CDC42BPA: variants seen among roughly 807,000 people sequenced by gnomAD.
CDC42BPA encodes the protein serine/threonine-protein kinase MRCK alpha.
Under a neutral mutation model 223.5 loss-of-function variants are expected in CDC42BPA, and 80 were observed. The observed-to-expected ratio is 0.36, with a 90% CI of 0.30 to 0.43. The LOEUF (loss-of-function observed/expected upper bound fraction) is 0.43, where lower values mean the gene tolerates loss of function less well. Among genes scored for constraint, CDC42BPA ranks in the 20% least tolerant of loss-of-function variants. The pLI is 1.00. For synonymous variants in CDC42BPA, 694 were observed against 718.6 expected, an observed-to-expected ratio of 0.97 and a Z score of 0.55; for missense variants, 1,743 against 2,099.9, an observed-to-expected ratio of 0.83 and a Z score of 3.32.
At chr1:227,072,824 A>C (rs1392343896) in intron 19 of CDC42BPA, among the ~76,000 whole-genome samples, 1 of 152,038 alleles carries the variant, frequency 6.6e-6, no homozygotes, top group Non-Finnish European at 1.5e-5. Flanking sequence ...AGGCATAAGG[A>C]GAAAAGATAT....
At chr1:227,242,947 A>T (rs993354572) in intron 2 of CDC42BPA, among the ~76,000 whole-genome samples, 2 of 152,210 alleles carry the variant, frequency 1.3e-5, no homozygotes, top group Non-Finnish European at 2.9e-5. Flanking sequence ...GGTAGACTAG[A>T]TTTTTAAATG....
At chr1:227,038,233 C>A (rs1330429328) in intron 24 of CDC42BPA, among the ~76,000 whole-genome samples, 1 of 142,254 alleles carries the variant, frequency 7.0e-6, no homozygotes, top group African/African-American at 2.7e-5. Context: ...CTCTTGCCTG[C>A]CGACATGTAA....
At chr1:227,243,373 T>C (rs781285153) in intron 2 of CDC42BPA, among the ~76,000 whole-genome samples, 47 of 150,658 alleles carry the variant, frequency 3.1e-4, no homozygotes, top group Non-Finnish European at 5.6e-4. Context: ...AAAAAATTAA[T>C]AAGTGGCACA....
At chr1:227,296,918 G>A (rs1690747126) in intron 1 of CDC42BPA, among the ~76,000 whole-genome samples, 1 of 151,998 alleles carries the variant, frequency 6.6e-6, no homozygotes, top group African/African-American at 2.4e-5. Flanking sequence ...GAGAAAATAT[G>A]TGTAAATAAT....
chr1:227,100,751 T>TGTGTGTGC (rs1684886797), intron 15 of CDC42BPA, among the ~76,000 whole-genome samples: 1 of 134,858 alleles, frequency 7.4e-6, no homozygotes, highest in Non-Finnish European at 1.6e-5. Context: ...CCAGCTAGTG[T>TGTGTGTGC]GTGTGTGTGT....
intron 2 of CDC42BPA, among the ~76,000 whole-genome samples, chr1:227,227,606 T>C (rs960909367): frequency 6.6e-6 from 1 of 152,196 alleles, no homozygotes; most frequent in Non-Finnish European, 1.5e-5. Context: ...ATTAAGTGCA[T>C]CTAAGAATAC....
chr1:227,089,534 T>G (rs1253295756), intron 16 of CDC42BPA, among the ~76,000 whole-genome samples: 4 of 151,942 alleles, frequency 2.6e-5, no homozygotes, highest in Non-Finnish European at 4.4e-5. Flanking sequence ...CTGTAACCAC[T>G]GGACATTAAA....
rs1292387936 is a variant in CDC42BPA at position 227,168,497 on chromosome 1, G to GTTTTTT, written c.600-7867_600-7862dup. Among the ~76,000 whole-genome samples the GTTTTTT allele has an allele frequency of 3.0e-4, 24 of 80,212 alleles. 4 individuals are homozygous for GTTTTTT. Among genetic ancestry groups the GTTTTTT allele is most frequent in the East Asian group, 1.3e-3 (4 of 2,988 alleles). The allele number at this position is 80,212 out of a possible 152,430, so 52.6% of individuals were successfully genotyped here. On this transcript the variant is annotated intron_variant, in intron 5 of 36. Coordinates refer to ENST00000366766, the MANE Select transcript of CDC42BPA (RefSeq NM_001394014.1). ...CTTTTTCATATTTATCTTCCCTGGTGTTTTTTTTTTTTTTTTGAGGCAGAG... is the reference window on the plus strand; with the variant it reads ...CTTTTTCATATTTATCTTCCCTGGTGTTTTTTTTTTTTTTTTTTTTTTGAGGCAGAG...
intron 21 of CDC42BPA, among the ~76,000 whole-genome samples, 162 bp from the exon 22 acceptor site, chr1:227,052,147 A>G (rs895477133): frequency 6.6e-6 from 1 of 152,256 alleles, no homozygotes; most frequent in Non-Finnish European, 1.5e-5. Context: ...ATCATTATAC[A>G]AAAGCATAAC....
chr1:227,285,672 A>T (rs1688692637), intron 1 of CDC42BPA, among the ~76,000 whole-genome samples: 1 of 152,212 alleles, frequency 6.6e-6, no homozygotes, highest in Non-Finnish European at 1.5e-5. Flanking sequence ...AAAGAGGATC[A>T]TTTAGGGTTT....
At chr1:226,996,078 T>C (rs1223258742) in intron 35 of CDC42BPA, among the ~76,000 whole-genome samples, 5 of 152,230 alleles carry the variant, frequency 3.3e-5, no homozygotes, top group Non-Finnish European at 7.3e-5. Flanking sequence ...CTGTCCTTGG[T>C]AATCCCCCTT....
chr1:227,264,718 T>C (rs905570621), intron 1 of CDC42BPA: 1 of 710,542 alleles, frequency 1.4e-6, no homozygotes, highest in Non-Finnish European at 2.5e-6. Context: ...ATAAAATATA[T>C]GCCAGTCCAT....
Position 227,145,594 on chromosome 1 carries a change from A to G in CDC42BPA, c.1038T>C (p.Ile346=). The change falls in exon 8 of 37, where the codon ATT becomes ATC. Residue 346 remains isoleucine, a synonymous_variant. Transcript: ENST00000366766. Reference sequence around the variant, plus strand: ...CACAGTTCCGAATATTATCCCAATCAATTCCACTGAAAAATGGGTGTTTCT... The same window carrying G: ...CACAGTTCCGAATATTATCCCAATCGATTCCACTGAAAAATGGGTGTTTCT... ...DFKKHPFFSG[I]DWDNIRNCEA... The G allele has an allele frequency of 6.2e-7, 1 of 1,613,826 alleles. No homozygotes were observed. The highest frequency in any genetic ancestry group is 8.5e-7 in the Non-Finnish European group (1 of 1,179,814).
chr1:227,270,798 C>T (rs1009237073), intron 1 of CDC42BPA, among the ~76,000 whole-genome samples: 3 of 152,218 alleles, frequency 2.0e-5, no homozygotes, highest in Admixed American at 6.5e-5. Context: ...TCTGTCTCTA[C>T]GGAATTTGCC....
chr1:227,099,177 G>A (rs2482452), intron 15 of CDC42BPA, among the ~76,000 whole-genome samples: 43,062 of 151,798 alleles, frequency 0.28, 6,313 homozygotes, highest in African/African-American at 0.35. Context: ...ATAAATGACT[G>A]TGTTACTGGT....
intron 35 of CDC42BPA, among the ~76,000 whole-genome samples, chr1:226,998,560 A>C (rs1023472870): frequency 1.2e-4 from 18 of 152,240 alleles, no homozygotes; most frequent in Non-Finnish European, 2.6e-4. Context: ...TTCCCTATTT[A>C]ATAAATGGTG....
intron 34 of CDC42BPA, chr1:227,011,092 A>C (rs1484475596): frequency 8.1e-7 from 1 of 1,233,016 alleles, no homozygotes; most frequent in Non-Finnish European, 1.1e-6. Context: ...AGATGAAAAA[A>C]GGCAATAAGG....
chr1:227,021,533 G>A (rs1209388258), intron 32 of CDC42BPA, among the ~76,000 whole-genome samples: 1 of 152,184 alleles, frequency 6.6e-6, no homozygotes, highest in East Asian at 1.9e-4. Context: ...CCAAGACAAT[G>A]TACCAATGCA....
At chr1:227,104,747 A>G (rs921090152) in intron 14 of CDC42BPA, among the ~76,000 whole-genome samples, 1 of 152,168 alleles carries the variant, frequency 6.6e-6, no homozygotes, top group Non-Finnish European at 1.5e-5. Flanking sequence ...ACAGACACAC[A>G]GGGAGAACTC....
Sources: gnomAD v4.1 joint callset for allele counts (sites outside exome capture counted in the v4.1 genomes callset) on GRCh38, gnomAD v4.1.1 for gene constraint, MANE v1.5 for transcripts, NCBI Gene and HGNC (gene_info 2026-07-23, HGNC 2026-07-21) for gene names.